Variants in ASIC2 observed in about 807,000 individuals in gnomAD.
ASIC2 encodes acid-sensing ion channel 2.
In ASIC2, 25 loss-of-function variants were observed where a neutral mutation model predicts 57.3. The observed-to-expected ratio is 0.44, with a 90% confidence interval of 0.32 to 0.61. The LOEUF (loss-of-function observed/expected upper bound fraction) is 0.61. Ranked by LOEUF, ASIC2 falls within the 20% of genes least tolerant of loss-of-function variation. The pLI is 0.06. For missense variants in ASIC2, 641 were observed against 738.1 expected, an observed-to-expected ratio of 0.87 and a Z score of 1.52; for synonymous variants, 319 against 307.5, an observed-to-expected ratio of 1.04 and a Z score of -0.39.
At chr17:33,224,204 G>A (rs986572322) in intron 1 of ASIC2, among the ~76,000 whole-genome samples, 1 of 152,220 alleles carries the variant, frequency 6.6e-6, no homozygotes, top group South Asian at 2.1e-4. Context: ...TAGAATTGGC[G>A]TTCTCTCTGT....
chr17:33,365,062 T>C (rs991865881), intron 1 of ASIC2, among the ~76,000 whole-genome samples: 3 of 152,248 alleles, frequency 2.0e-5, no homozygotes, highest in African/African-American at 7.2e-5. Flanking sequence ...CACAGCATTA[T>C]GCCAGAGTCC....
intron 1 of ASIC2, among the ~76,000 whole-genome samples, chr17:33,670,628 C>T (rs1223161683): frequency 6.6e-6 from 1 of 152,218 alleles, no homozygotes; most frequent in Admixed American, 6.5e-5. Context: ...ACTAGATCTC[C>T]AGCCCCCTGA....
intron 1 of ASIC2, among the ~76,000 whole-genome samples, chr17:33,381,372 C>T (rs113092487): frequency 7.9e-5 from 12 of 152,356 alleles, no homozygotes; most frequent in Middle Eastern, 3.4e-3. Context: ...CAGGCGCTGC[C>T]GCCTCTGCCT....
intron 1 of ASIC2, among the ~76,000 whole-genome samples, chr17:34,103,140 T>A (rs1910926951): frequency 6.6e-6 from 1 of 152,320 alleles, no homozygotes; most frequent in African/African-American, 2.4e-5. Context: ...TTGTTTCTTT[T>A]GATTTTTTGC....
At chr17:33,605,446 T>C (rs1329401524) in intron 1 of ASIC2, among the ~76,000 whole-genome samples, 1 of 152,190 alleles carries the variant, frequency 6.6e-6, no homozygotes, top group Admixed American at 6.5e-5. Flanking sequence ...ATAGTAGTTT[T>C]TATCACTTTC....
chr17:33,389,840 G>A (rs1346525245), intron 1 of ASIC2, among the ~76,000 whole-genome samples: 1 of 152,220 alleles, frequency 6.6e-6, no homozygotes, highest in Admixed American at 6.5e-5. Context: ...AATGAGGCTT[G>A]AGCACAAACA....
Position 33,327,808 on chromosome 17 carries a change from G to A in ASIC2, c.556-215741C>T, listed in dbSNP as rs117300043. On this transcript the variant is annotated intron_variant, in intron 1 of 9. Coordinates refer to the ASIC2 transcript ENST00000359872. ...TGTGACCTGATTTGGAAATAGGGCC[G>A]TTGCAGACGTTATCAAGTTAAGATA... Among the ~76,000 whole-genome samples, 194 of 152,274 alleles carry A rather than the reference G, an allele frequency of 1.3e-3. 2 individuals carry two copies. In the East Asian group the frequency reaches 0.028, roughly 22 times the overall value.
At chr17:34,144,521 A>G (rs970559513) in intron 1 of ASIC2, among the ~76,000 whole-genome samples, 19 of 152,208 alleles carry the variant, frequency 1.2e-4, no homozygotes, top group African/African-American at 4.1e-4. Flanking sequence ...TAATAATAAT[A>G]GTAACAACAG....
chr17:33,481,822 T>C (rs941881457), intron 1 of ASIC2, among the ~76,000 whole-genome samples: 4 of 152,322 alleles, frequency 2.6e-5, no homozygotes, highest in Middle Eastern at 3.4e-3. Flanking sequence ...GCCTCAGCCT[T>C]GTCGCCGCTC....
At chr17:33,959,725 A>G (rs762238925) in intron 1 of ASIC2, among the ~76,000 whole-genome samples, 3 of 152,234 alleles carry the variant, frequency 2.0e-5, no homozygotes, top group African/African-American at 4.8e-5. Context: ...AGCTGACTAG[A>G]TGGCGCCCAC....
In ASIC2 at chr17:34,117,133, A is replaced by T. The variant is rs193283505; in HGVS notation, c.555+38845T>A. Among the ~76,000 whole-genome samples the T allele has an allele frequency of 1.8e-3, 277 of 152,150 alleles. 1 individual carries two copies. Among genetic ancestry groups the T allele is most frequent in the Non-Finnish European group, 2.6e-3 (180 of 68,012 alleles). On this transcript the variant is annotated intron_variant, in intron 1 of 9. Coordinates refer to the ASIC2 transcript ENST00000359872. Reference sequence around the variant, plus strand: ...CCAGATTCATCCCTTCAATTCATCAATCTGTCAGGATTTTTCATTCATTTA... The same window carrying T: ...CCAGATTCATCCCTTCAATTCATCATTCTGTCAGGATTTTTCATTCATTTA...
At chr17:33,216,892 G>C (rs1011170939) in intron 1 of ASIC2, among the ~76,000 whole-genome samples, 6 of 152,154 alleles carry the variant, frequency 3.9e-5, no homozygotes, top group African/African-American at 1.4e-4. Flanking sequence ...GGGGTTGTTT[G>C]AATAATTGAG....
chr17:33,468,395 C>T (rs931824814), intron 1 of ASIC2, among the ~76,000 whole-genome samples: 1 of 152,130 alleles, frequency 6.6e-6, no homozygotes, highest in Non-Finnish European at 1.5e-5. Flanking sequence ...AAGGATTAAT[C>T]TTCCAGATTA....
chr17:33,162,939 C>A (rs1905203141), intron 1 of ASIC2, among the ~76,000 whole-genome samples: 1 of 152,156 alleles, frequency 6.6e-6, no homozygotes, highest in African/African-American at 2.4e-5. Flanking sequence ...TTTATGAATC[C>A]CTTTTATACC....
chr17:33,824,100 C>T (rs1243917790), intron 1 of ASIC2, among the ~76,000 whole-genome samples: 1 of 152,108 alleles, frequency 6.6e-6, no homozygotes, highest in Non-Finnish European at 1.5e-5. Context: ...CCACAGGAAC[C>T]ATTCTTATAA....
At chr17:33,570,327 T>G (rs1262768973) in intron 1 of ASIC2, among the ~76,000 whole-genome samples, 4 of 152,252 alleles carry the variant, frequency 2.6e-5, no homozygotes, top group Admixed American at 2.6e-4. Flanking sequence ...AAATCAGGAA[T>G]GAGTCTTGAT....
chr17:34,070,085 T>C (rs984962612), intron 1 of ASIC2: 1 of 152,162 alleles, frequency 6.6e-6, no homozygotes, highest in Non-Finnish European at 1.5e-5. Flanking sequence ...CTGTATACTT[T>C]AGAGACAGTT....
intron 1 of ASIC2, among the ~76,000 whole-genome samples, chr17:33,327,909 T>C (rs192142875): frequency 4.1e-4 from 63 of 152,192 alleles, no homozygotes; most frequent in African/African-American, 1.5e-3. Context: ...ATACACAGCA[T>C]ATAGGGAAGA....
At chr17:33,024,042 G>C in intron 5 of ASIC2, 28 bp from the exon 6 acceptor site, 1 of 1,613,686 alleles carries the variant, frequency 6.2e-7, no homozygotes, top group South Asian at 1.1e-5. Context: ...GTGGGGCTTA[G>C]TCAGGTGTGG....
Sources: gnomAD v4.1 joint callset for allele counts (sites outside exome capture counted in the v4.1 genomes callset) on GRCh38, gnomAD v4.1.1 for gene constraint, MANE v1.5 for transcripts, NCBI Gene and HGNC (gene_info 2026-07-23, HGNC 2026-07-21) for gene names.